CUX1: variants seen among roughly 807,000 people sequenced by gnomAD.
CUX1 encodes protein CASP.
In CUX1, 31 loss-of-function variants were observed where a neutral mutation model predicts 158.8. The observed-to-expected ratio is 0.20, with a 90% confidence interval of 0.15 to 0.26. The LOEUF is 0.26. CUX1 is among the 10% of genes least tolerant of loss of function. CUX1 has a pLI of 1.00. For missense variants in CUX1, 1,589 were observed against 2,014.6 expected, an observed-to-expected ratio of 0.79 and a Z score of 4.04; for synonymous variants, 879 against 862.1, an observed-to-expected ratio of 1.02 and a Z score of -0.34.
intron 18 of CUX1, chr7:102,278,082 G>A: frequency 6.4e-7 from 1 of 1,571,322 alleles, no homozygotes; most frequent in Non-Finnish European, 8.7e-7. Context: ...GCCCTCCCCT[G>A]GCCTCAGCTC....
At chr7:101,903,985 T>C (rs902776872) in intron 1 of CUX1, among the ~76,000 whole-genome samples, 12 of 152,144 alleles carry the variant, frequency 7.9e-5, no homozygotes, top group African/African-American at 2.9e-4. Flanking sequence ...AGGTAACGTG[T>C]TCACTTGGTC....
At chr7:102,012,353 A>G (rs944489243) in intron 2 of CUX1, among the ~76,000 whole-genome samples, 3 of 151,610 alleles carry the variant, frequency 2.0e-5, no homozygotes, top group African/African-American at 7.3e-5. Flanking sequence ...ATGCCTGGCT[A>G]ATTTTTGTAT....
intron 8 of CUX1, among the ~76,000 whole-genome samples, chr7:102,143,212 A>C (rs1338486290): frequency 6.6e-6 from 1 of 152,194 alleles, no homozygotes; most frequent in African/African-American, 2.4e-5. Context: ...GTCAGATGGT[A>C]CTTGGGGGGT....
At chr7:102,063,545 C>T (rs1396475699) in intron 3 of CUX1, among the ~76,000 whole-genome samples, 5 of 152,012 alleles carry the variant, frequency 3.3e-5, no homozygotes, top group Non-Finnish European at 2.9e-5. Flanking sequence ...CCTGCCACCA[C>T]ACCCAGCTAA....
intron 23 of CUX1, among the ~76,000 whole-genome samples, chr7:102,242,544 C>T (rs1167120252): frequency 2.0e-5 from 3 of 152,186 alleles, no homozygotes; most frequent in African/African-American, 7.2e-5. Context: ...GAGATGCGTG[C>T]ACTTTGAAGT....
chr7:102,000,832 C>T (rs544908396), intron 2 of CUX1, among the ~76,000 whole-genome samples: 3 of 152,220 alleles, frequency 2.0e-5, no homozygotes, highest in East Asian at 3.9e-4. Context: ...TGCAGTGGTG[C>T]GATCATAGCT....
chr7:101,874,488 A>G (rs1387086593), intron 1 of CUX1, among the ~76,000 whole-genome samples: 2 of 152,228 alleles, frequency 1.3e-5, no homozygotes, highest in African/African-American at 4.8e-5. Flanking sequence ...GAGGAAGGAC[A>G]TATTTATGGC....
At chr7:101,893,997 T>C (rs1245382909) in intron 1 of CUX1, among the ~76,000 whole-genome samples, 1 of 152,234 alleles carries the variant, frequency 6.6e-6, no homozygotes, top group Non-Finnish European at 1.5e-5. Flanking sequence ...GTGAAATATA[T>C]ATTCAAGTTA....
chr7:101,838,759 T>C (rs1794903420), intron 1 of CUX1, among the ~76,000 whole-genome samples: 1 of 151,882 alleles, frequency 6.6e-6, no homozygotes, highest in South Asian at 2.1e-4. Context: ...GCCGAGATTG[T>C]GCCATTGCAC....
At chr7:102,136,094 T>C (rs1291010670) in intron 8 of CUX1, among the ~76,000 whole-genome samples, 46 of 152,220 alleles carry the variant, frequency 3.0e-4, no homozygotes, top group African/African-American at 1.1e-3. Flanking sequence ...TTTCTGTTTG[T>C]TATTCTTTAA....
intron 2 of CUX1, among the ~76,000 whole-genome samples, chr7:101,958,475 TTTTC>T (rs1405989159): frequency 3.4e-5 from 3 of 88,234 alleles, no homozygotes; most frequent in African/African-American, 1.6e-4. Context: ...TGAGATTTTC[TTTTC>T]TTTTTTTTTT....
chr7:102,258,399 C>T (rs1286132871), downstream of CUX1, among the ~76,000 whole-genome samples: 1 of 152,114 alleles, frequency 6.6e-6, no homozygotes, highest in East Asian at 1.9e-4. Flanking sequence ...CACAGAAAAC[C>T]GTGTGGTTCT....
chr7:102,108,733 ATT>A (rs201621470), intron 6 of CUX1, among the ~76,000 whole-genome samples: 4 of 99,648 alleles, frequency 4.0e-5, no homozygotes, highest in African/African-American at 9.4e-5. Context: ...TACTTCATTC[ATT>A]TTGTGTGTGT....
chr7:101,832,395 C>A (rs778368195), intron 1 of CUX1, among the ~76,000 whole-genome samples: 1 of 152,162 alleles, frequency 6.6e-6, no homozygotes, highest in Admixed American at 6.5e-5. Flanking sequence ...TGTCCCCCAC[C>A]GACATGGCAC....
At chr7:102,012,408 G>C (rs1818141844) in intron 2 of CUX1, among the ~76,000 whole-genome samples, 3 of 152,076 alleles carry the variant, frequency 2.0e-5, no homozygotes, top group Admixed American at 2.0e-4. Flanking sequence ...GGCTGGTCTC[G>C]AACTCATGAC....
intron 15 of CUX1, among the ~76,000 whole-genome samples, chr7:102,198,450 G>T (rs1310924205): frequency 3.9e-5 from 6 of 152,178 alleles, no homozygotes; most frequent in African/African-American, 1.4e-4. Flanking sequence ...GTTTTATGAG[G>T]ATGTTAACCG....
intron 13 of CUX1, among the ~76,000 whole-genome samples, chr7:102,194,695 A>G (rs1586152274): frequency 6.6e-6 from 1 of 152,022 alleles, no homozygotes; most frequent in African/African-American, 2.4e-5. Flanking sequence ...GGGAAGGATG[A>G]CTGTGGCCCA....
rs11433173 is a variant in CUX1 at position 101,958,479 on chromosome 7, C to CTTTTT, written c.141+42269_141+42273dup. Among the ~76,000 whole-genome samples, 68 of 112,082 alleles carry CTTTTT rather than the reference C, an allele frequency of 6.1e-4. 1 individual carries two copies. The highest frequency in any genetic ancestry group is 1.0e-3 in the East Asian group (4 of 3,866). 73.5% of individuals were successfully genotyped at this position (112,082 alleles called of 152,430 possible). The stretch of plus-strand genomic sequence containing the variant: ...TAGGGTGGTCCTGAGATTTTCTTTT[C>CTTTTT]TTTTTTTTTTTTTTTTTTTGAGGCG... On this transcript the variant is annotated intron_variant, in intron 2 of 23. Transcript: ENST00000292535.
At chr7:101,974,918 A>G (rs1423071646) in intron 2 of CUX1, among the ~76,000 whole-genome samples, 1 of 152,158 alleles carries the variant, frequency 6.6e-6, no homozygotes, top group Non-Finnish European at 1.5e-5. Context: ...CTGGGTCAGA[A>G]AGATGTCCAT....
Sources: gnomAD v4.1 joint callset for allele counts (sites outside exome capture counted in the v4.1 genomes callset) on GRCh38, gnomAD v4.1.1 for gene constraint, MANE v1.5 for transcripts, NCBI Gene and HGNC (gene_info 2026-07-23, HGNC 2026-07-21) for gene names.